RIN2: variants seen among roughly 807,000 people sequenced by gnomAD.
The protein encoded by RIN2 is Ras and Rab interactor 2, also known as RAB5 interacting protein 2.
Under a neutral mutation model 78.0 loss-of-function variants are expected in RIN2, and 36 were observed. The observed-to-expected ratio is 0.46, with a 90% CI of 0.35 to 0.61. The LOEUF is 0.61. Ranked by LOEUF, RIN2 falls within the 20% of genes least tolerant of loss-of-function variation. RIN2 has a pLI of 0.00. For missense variants in RIN2, 1,087 were observed against 1,159.7 expected (o/e 0.94, Z 0.91); for synonymous variants, 466 against 466.8 (o/e 1.00, Z 0.02).
At chr20:19,980,651 C>T (rs2042420005) in intron 9 of RIN2, among the ~76,000 whole-genome samples, 1 of 152,210 alleles carries the variant, frequency 6.6e-6, no homozygotes, top group Non-Finnish European at 1.5e-5. Context: ...CCAAAAGACA[C>T]CTAAAATGCT....
chr20:19,838,902 C>A (rs1371722807), intron 2 of RIN2, among the ~76,000 whole-genome samples: 1 of 152,132 alleles, frequency 6.6e-6, no homozygotes, highest in Non-Finnish European at 1.5e-5. Context: ...CTCTCCAGCC[C>A]CCAAACCTCC....
chr20:19,957,137 A>C (rs1022811029), intron 5 of RIN2, among the ~76,000 whole-genome samples: 3 of 152,152 alleles, frequency 2.0e-5, no homozygotes, highest in Non-Finnish European at 4.4e-5. Flanking sequence ...CCTGGGTCTG[A>C]GATCCTTGGT....
chr20:19,763,142 T>C (rs1308958908), intron 1 of RIN2, among the ~76,000 whole-genome samples: 1 of 152,222 alleles, frequency 6.6e-6, no homozygotes, highest in South Asian at 2.1e-4. Flanking sequence ...CCTAGCACTA[T>C]GGGAGGCTGA....
In RIN2 at chr20:19,964,007, G is replaced by C. The variant is rs183556064; in HGVS notation, c.464-945G>C. ...GCCTCCCAAATAGCTGGGATTACAGGTGCATGTCACCACATCCAGCTAATT... is the reference window on the plus strand; with the variant it reads ...GCCTCCCAAATAGCTGGGATTACAGCTGCATGTCACCACATCCAGCTAATT... On this transcript the variant is annotated intron_variant, in intron 6 of 12. Transcript: ENST00000255006. Among the ~76,000 whole-genome samples the C allele has an allele frequency of 2.6e-4, 39 of 152,040 alleles. 1 individual carries two copies. The East Asian group carries it at 6.2e-3, about 24-fold the overall frequency.
intron 2 of RIN2, among the ~76,000 whole-genome samples, chr20:19,862,200 A>G (rs1241074965): frequency 1.3e-5 from 2 of 152,216 alleles, no homozygotes; most frequent in African/African-American, 4.8e-5. Flanking sequence ...ACAGTTATAC[A>G]ATAGATATCC....
chr20:19,874,720 G>A (rs1382116501), intron 2 of RIN2, among the ~76,000 whole-genome samples: 1 of 152,206 alleles, frequency 6.6e-6, no homozygotes, highest in Non-Finnish European at 1.5e-5. Context: ...ACACTGAGCA[G>A]AGGAGTGTAA....
chr20:19,969,683 G>A (rs1456537956), intron 7 of RIN2, among the ~76,000 whole-genome samples: 1 of 152,080 alleles, frequency 6.6e-6, no homozygotes, highest in African/African-American at 2.4e-5. Context: ...TGCAATGTCT[G>A]GCACATTGCA....
rs569841750 is a variant in RIN2, at chr20:19,766,366, T to A, written c.-163+8039T>A. Among the ~76,000 whole-genome samples, 7 of 152,296 alleles carry A rather than the reference T, an allele frequency of 4.6e-5. No individual in the cohort carries two copies. In the South Asian group the frequency reaches 1.4e-3, roughly 32 times the overall value. ...GTATCAGCTTAGGCACTCTCCCTCTTTTAAACTGTGCTTCCATGGGACGTT... is the reference window on the plus strand; with the variant it reads ...GTATCAGCTTAGGCACTCTCCCTCTATTAAACTGTGCTTCCATGGGACGTT... On this transcript the variant is annotated intron_variant, in intron 1 of 12. Transcript: ENST00000255006.
chr20:19,886,762 C>A lies in RIN2; in HGVS notation c.-36-2804C>A, dbSNP rs73901320. The A allele has an allele frequency of 3.6e-3, 5,586 of 1,540,340 alleles. 154 individuals carry two copies. The African/African-American group carries it at 0.063, about 17-fold the overall frequency. On this transcript the variant is annotated intron_variant, in intron 2 of 12. Transcript: ENST00000255006. ...AACCGGTACAAGTCTGGAGGAATTT[C>A]ACAGCCTCTCAAACTACGGTACCCT... is the stretch of plus-strand genomic sequence containing the variant.
intron 3 of RIN2, among the ~76,000 whole-genome samples, chr20:19,922,172 C>T (rs1419953574): frequency 2.6e-5 from 4 of 152,142 alleles, no homozygotes; most frequent in South Asian, 4.2e-4. Flanking sequence ...CGCCTGGGTC[C>T]GTCTTAAAGG....
chr20:19,863,278 A>C (rs1244599342), intron 2 of RIN2, among the ~76,000 whole-genome samples: 1 of 152,204 alleles, frequency 6.6e-6, no homozygotes, highest in East Asian at 1.9e-4. Context: ...TAACATTTGC[A>C]GTGATTAAGG....
chr20:19,966,906 G>GACACAC (rs10653532), intron 7 of RIN2, among the ~76,000 whole-genome samples: 13,452 of 150,262 alleles, frequency 0.09, 1,014 homozygotes, highest in East Asian at 0.41. Context: ...GCCCCCAACA[G>GACACAC]ACACACACAC....
chr20:19,770,623 C>G (rs1014656359), intron 1 of RIN2, among the ~76,000 whole-genome samples: 5 of 152,022 alleles, frequency 3.3e-5, no homozygotes, highest in Non-Finnish European at 7.4e-5. Context: ...GGCTCTGCCC[C>G]CAGCCTCTGT....
chr20:19,793,070 T>G (rs566362865), intron 1 of RIN2, among the ~76,000 whole-genome samples: 2 of 152,250 alleles, frequency 1.3e-5, no homozygotes, highest in Admixed American at 6.5e-5. Flanking sequence ...TGTAAGGCTT[T>G]GGGAATTATT....
At chr20:19,788,906 G>A (rs963975494) in intron 1 of RIN2, among the ~76,000 whole-genome samples, 13 of 152,146 alleles carry the variant, frequency 8.5e-5, no homozygotes, top group Non-Finnish European at 1.0e-4. Context: ...GTTTAAATTG[G>A]CAAGTTAATT....
At chr20:19,970,728 C>T in intron 7 of RIN2, 110 bp from the exon 8 acceptor site, 2 of 851,106 alleles carry the variant, frequency 2.3e-6, no homozygotes. Flanking sequence ...ATGGTGTCTA[C>T]TTAGGACATT....
At position 19,799,649 on chromosome 20, in the gene RIN2, A is replaced by C. The variant is rs934495263; in HGVS notation, c.-135A>C. 4 of 152,248 alleles carry C rather than the reference A, an allele frequency of 2.6e-5. No individual in the cohort carries two copies. The highest frequency in any genetic ancestry group is 5.9e-5 in the Non-Finnish European group (4 of 68,060). The allele number at this position is 152,248 out of a possible 1,614,324, so 9.4% of individuals were successfully genotyped here. ...GGAGACGAGAGATCTGGACTTCTGAACATCTACCGGAAAAGATAAAATGTG... is the reference window on the plus strand; with the variant it reads ...GGAGACGAGAGATCTGGACTTCTGACCATCTACCGGAAAAGATAAAATGTG... On this transcript the variant is annotated 5_prime_UTR_variant, in exon 2 of 13. Transcript: ENST00000255006.
chr20:19,941,395 C>T (rs2094276997), intron 4 of RIN2, among the ~76,000 whole-genome samples: 1 of 152,166 alleles, frequency 6.6e-6, no homozygotes, highest in African/African-American at 2.4e-5. Flanking sequence ...TCAAGAGGGA[C>T]AGTTGTGACC....
At chr20:19,979,808 C>T (rs934384409) in intron 9 of RIN2, among the ~76,000 whole-genome samples, 2 of 151,616 alleles carry the variant, frequency 1.3e-5, no homozygotes, top group African/African-American at 4.8e-5. Flanking sequence ...TTAAGGAGGC[C>T]GAGGTGGGTG....
Sources: gnomAD v4.1 joint callset for allele counts (sites outside exome capture counted in the v4.1 genomes callset) on GRCh38, gnomAD v4.1.1 for gene constraint, MANE v1.5 for transcripts, NCBI Gene and HGNC (gene_info 2026-07-23, HGNC 2026-07-21) for gene names.